NEBL: variants seen among roughly 807,000 people sequenced by gnomAD.
The protein encoded by NEBL is nebulette, also known as LIM and SH3 protein 2.
NEBL carries 122 observed loss-of-function variants against 140.2 expected under a neutral mutation model. That is an observed-to-expected ratio of 0.87 (90% CI 0.75 to 1.01). NEBL has a LOEUF of 1.01. Among genes scored for constraint, NEBL ranks in the 50% least tolerant of loss-of-function variants. The pLI, the probability that NEBL is intolerant of heterozygous loss-of-function variation, is 0.00. For synonymous variants in NEBL, 436 were observed against 398.9 expected (o/e 1.09, Z -1.11); for missense variants, 1,365 against 1,231.3 (o/e 1.11, Z -1.62).
chr10:21,075,905 A>G (rs1367013112), intron 2 of NEBL, among the ~76,000 whole-genome samples: 1 of 152,224 alleles, frequency 6.6e-6, no homozygotes, highest in Non-Finnish European at 1.5e-5. Flanking sequence ...AAAATAGACA[A>G]ATGACCAAGA....
intron 20 of NEBL, 32 bp from the exon 21 acceptor site, chr10:20,817,724 AG>A: frequency 6.7e-7 from 1 of 1,491,806 alleles, no homozygotes; most frequent in Non-Finnish European, 9.4e-7. Flanking sequence ...TTTAACAGAT[AG>A]CACAATGGGC....
chr10:21,163,022 T>C lies in NEBL; in HGVS notation c.164+9361A>G, dbSNP rs990774901. Reference sequence around the variant, plus strand: ...TTAGATTGGATATTCCAATGAATCCTTAATCCTAAGAGATAGAGTCTATTA... The same window carrying C: ...TTAGATTGGATATTCCAATGAATCCCTAATCCTAAGAGATAGAGTCTATTA... On this transcript the variant is annotated intron_variant, in intron 2 of 6. Coordinates refer to the NEBL transcript ENST00000417816. Among the ~76,000 whole-genome samples the C allele has an allele frequency of 4.6e-5, 7 of 152,364 alleles. No individual in the cohort carries two copies. In the South Asian group the frequency reaches 1.4e-3, roughly 32 times the overall value.
At chr10:21,095,744 G>C (rs1296788529) in intron 2 of NEBL, among the ~76,000 whole-genome samples, 1 of 152,194 alleles carries the variant, frequency 6.6e-6, no homozygotes, top group East Asian at 1.9e-4. Context: ...GCTTCATCTT[G>C]ATGCAATGAG....
At chr10:21,259,443 C>A (rs183051725) in intron 1 of NEBL, among the ~76,000 whole-genome samples, 4 of 152,258 alleles carry the variant, frequency 2.6e-5, no homozygotes, top group Non-Finnish European at 5.9e-5. Flanking sequence ...CCCACCCTTA[C>A]TTCCTAGGGT....
chr10:21,262,200 G>T (rs904070712), intron 1 of NEBL, among the ~76,000 whole-genome samples: 15 of 152,186 alleles, frequency 9.9e-5, no homozygotes, highest in African/African-American at 3.6e-4. Context: ...TATGGAAACG[G>T]CTCCAATGAA....
intron 2 of NEBL, among the ~76,000 whole-genome samples, chr10:21,047,899 A>G (rs2131845890): frequency 6.6e-6 from 1 of 152,360 alleles, no homozygotes; most frequent in Middle Eastern, 3.4e-3. Context: ...TTCAAGTATT[A>G]TTAACTTTGC....
intron 1 of NEBL, among the ~76,000 whole-genome samples, chr10:21,274,809 T>C (rs1842900089): frequency 6.6e-6 from 1 of 152,152 alleles, no homozygotes; most frequent in East Asian, 1.9e-4. Context: ...ATTTGCTTTT[T>C]TTAATTTAAA....
chr10:21,269,586 G>A (rs899812505), intron 1 of NEBL, among the ~76,000 whole-genome samples: 1 of 152,086 alleles, frequency 6.6e-6, no homozygotes, highest in Non-Finnish European at 1.5e-5. Context: ...GACTTCAAAG[G>A]CTACACCCTC....
chr10:21,244,233 T>C (rs1012202245), intron 3 of NEBL, among the ~76,000 whole-genome samples: 2 of 151,998 alleles, frequency 1.3e-5, no homozygotes, highest in Admixed American at 1.3e-4. Flanking sequence ...TGGCCCGATC[T>C]TGGCTCACTG....
rs537496638 is a variant in NEBL, at chr10:20,793,890, C to T, written c.2762-6582G>A. Among the ~76,000 whole-genome samples the T allele has an allele frequency of 9.9e-5, 15 of 152,226 alleles. No individual in the cohort carries two copies. The South Asian group carries it at 2.5e-3, about 25-fold the overall frequency. On this transcript the variant is annotated intron_variant, in intron 26 of 27. Coordinates refer to ENST00000377122, the MANE Select transcript of NEBL (RefSeq NM_006393.3). ...TTTTTTCAAATGAGCAGCCACAATGCGGACCTACCGAACTGGCGGGCTTCA... is the reference window on the plus strand; with the variant it reads ...TTTTTTCAAATGAGCAGCCACAATGTGGACCTACCGAACTGGCGGGCTTCA...
rs759403329 is a variant in NEBL, at chr10:21,146,293, G to C, written c.164+26090C>G. The C allele has an allele frequency of 2.7e-6, 4 of 1,491,342 alleles. No individual in the cohort carries two copies. In the East Asian group the frequency reaches 6.8e-5, roughly 25 times the overall value. 92.4% of individuals were successfully genotyped at this position (1,491,342 alleles called of 1,614,324 possible). A position where few individuals can be genotyped will look rare whatever the true frequency, so the allele number is the denominator to read the frequency against. On this transcript the variant is annotated intron_variant, in intron 2 of 6. Coordinates refer to the NEBL transcript ENST00000417816. ...ATCATTTACATCACCACGTGGCCCT[G>C]TCTCAGCACACCCATGCAGTATAAA...
At chr10:20,981,758 C>T (rs1380883289) in intron 3 of NEBL, among the ~76,000 whole-genome samples, 1 of 152,172 alleles carries the variant, frequency 6.6e-6, no homozygotes, top group Non-Finnish European at 1.5e-5. Context: ...GAAGGTCTGG[C>T]AGCCACCTTG....
intron 18 of NEBL, among the ~76,000 whole-genome samples, chr10:20,823,919 A>G (rs887118028): frequency 6.6e-6 from 1 of 152,180 alleles, no homozygotes; most frequent in African/African-American, 2.4e-5. Flanking sequence ...AGGAAGTCAG[A>G]GATGTCTGCT....
At chr10:20,817,107 C>T (rs535228535) in intron 21 of NEBL, among the ~76,000 whole-genome samples, 4 of 152,112 alleles carry the variant, frequency 2.6e-5, no homozygotes, top group South Asian at 4.1e-4. Context: ...CACCCAGGCC[C>T]GGTGGCACAC....
intron 2 of NEBL, among the ~76,000 whole-genome samples, chr10:21,020,728 T>C (rs1838756476): frequency 6.6e-6 from 1 of 152,140 alleles, no homozygotes; most frequent in Non-Finnish European, 1.5e-5. Context: ...CATCTTGAAA[T>C]GTCGTCTCCC....
intron 2 of NEBL, among the ~76,000 whole-genome samples, chr10:21,111,373 G>T (rs145439466): frequency 1.3e-5 from 2 of 152,102 alleles, no homozygotes; most frequent in African/African-American, 4.8e-5. Context: ...AAACAGGCTG[G>T]TACTGGTACC....
rs74194246 is a variant in NEBL, at chr10:20,909,232, G to A, written c.357+52440C>T. Reference sequence around the variant, plus strand: ...TCACCCTGTTGCTATCAAATAGTAGGTTTCGTTCATTCTATTTTTTTTTTT... The same window carrying A: ...TCACCCTGTTGCTATCAAATAGTAGATTTCGTTCATTCTATTTTTTTTTTT... On this transcript the variant is annotated intron_variant, in intron 4 of 6. Transcript: ENST00000417816. Among the ~76,000 whole-genome samples, 191 of 151,000 alleles carry A rather than the reference G, an allele frequency of 1.3e-3. 3 individuals carry two copies. In the East Asian group the frequency reaches 0.035, roughly 28 times the overall value.
chr10:21,092,426 A>G (rs1435819470), intron 2 of NEBL, among the ~76,000 whole-genome samples: 1 of 152,220 alleles, frequency 6.6e-6, no homozygotes, highest in Non-Finnish European at 1.5e-5. Flanking sequence ...TAGAAGTAAC[A>G]GTAAATTATG....
chr10:21,057,807 C>G (rs561592510), intron 2 of NEBL, among the ~76,000 whole-genome samples: 7 of 152,202 alleles, frequency 4.6e-5, no homozygotes, highest in African/African-American at 1.7e-4. Flanking sequence ...GCCATCAGCC[C>G]GCCTTGGTCT....
Sources: gnomAD v4.1 joint callset for allele counts (sites outside exome capture counted in the v4.1 genomes callset) on GRCh38, gnomAD v4.1.1 for gene constraint, MANE v1.5 for transcripts, NCBI Gene and HGNC (gene_info 2026-07-23, HGNC 2026-07-21) for gene names.